The following NETO1 variants were observed in gnomAD, a reference collection of about 807,000 sequenced individuals.
NETO1 encodes the protein neuropilin and tolloid-like protein 1.
In NETO1, 26 loss-of-function variants were observed where a neutral mutation model predicts 61.3. The observed-to-expected ratio is 0.42, with a 90% CI of 0.31 to 0.59. NETO1 has a LOEUF of 0.59. NETO1 is among the 20% of genes least tolerant of loss of function. NETO1 has a pLI of 0.12. For synonymous variants in NETO1, 225 were observed against 225.8 expected (o/e 1.00, Z 0.03); for missense variants, 531 against 662.8 (o/e 0.80, Z 2.18).
intron 3 of NETO1, among the ~76,000 whole-genome samples, chr18:72,863,513 T>A (rs548115500): frequency 6.6e-6 from 1 of 152,352 alleles, no homozygotes; most frequent in African/African-American, 2.4e-5. Flanking sequence ...TAAAAGGAAT[T>A]TGCACTGCCA....
chr18:72,807,779 T>C (rs1291867707), intron 4 of NETO1, among the ~76,000 whole-genome samples: 2 of 151,554 alleles, frequency 1.3e-5, no homozygotes, highest in Non-Finnish European at 2.9e-5. Context: ...ATGCTGGAGT[T>C]TGCACATTTG....
rs113346613 is a variant in NETO1 at position 72,766,618 on chromosome 18, T to C, written c.869-10471A>G. Among the ~76,000 whole-genome samples the C allele has an allele frequency of 3.7e-3, 567 of 152,328 alleles. 12 individuals carry two copies. In the South Asian group the frequency reaches 0.068, roughly 18 times the overall value. The stretch of plus-strand genomic sequence containing the variant: ...CAGTATTATCAAGATGTACATATAT[T>C]AATCTGTTTTTATACAAGAAATTCT... On this transcript the variant is annotated intron_variant, in intron 7 of 10. Coordinates refer to ENST00000327305, the MANE Select transcript of NETO1 (RefSeq NM_138966.5).
intron 4 of NETO1, among the ~76,000 whole-genome samples, chr18:72,814,608 A>G (rs978880639): frequency 6.6e-6 from 1 of 152,142 alleles, no homozygotes; most frequent in African/African-American, 2.4e-5. Flanking sequence ...CAAATCTAAT[A>G]ATGTGTTGCT....
chr18:72,767,532 C>G (rs1196463486), intron 7 of NETO1, among the ~76,000 whole-genome samples: 1 of 152,116 alleles, frequency 6.6e-6, no homozygotes, highest in Non-Finnish European at 1.5e-5. Flanking sequence ...GGTCAAATTA[C>G]TTAAGAAAAT....
rs568409680 is a variant in NETO1, at chr18:72,847,400, C to T, written c.469+11426G>A. ...AGCAGAGCTGTGGAATGGTGGGAAG[C>T]GAGCCAGCTGAGCAAGTGAGAACAG... On this transcript the variant is annotated intron_variant, in intron 4 of 10. Coordinates refer to ENST00000327305, the MANE Select transcript of NETO1 (RefSeq NM_138966.5). Among the ~76,000 whole-genome samples, 20 of 152,008 alleles carry T rather than the reference C, an allele frequency of 1.3e-4. No homozygotes were observed. The South Asian group carries it at 3.7e-3, about 28-fold the overall frequency.
intron 8 of NETO1, among the ~76,000 whole-genome samples, chr18:72,751,549 G>C (rs1373439562): frequency 6.6e-6 from 1 of 152,182 alleles, no homozygotes; most frequent in Non-Finnish European, 1.5e-5. Flanking sequence ...CTGAGTGGCT[G>C]AGATGTCTGG....
intron 7 of NETO1, among the ~76,000 whole-genome samples, chr18:72,774,913 C>T (rs2071494762): frequency 1.3e-5 from 2 of 152,144 alleles, no homozygotes; most frequent in Admixed American, 1.3e-4. Flanking sequence ...ACCATCTAGT[C>T]AAGAAGAGAG....
intron 4 of NETO1, among the ~76,000 whole-genome samples, chr18:72,848,530 C>T (rs577039400): frequency 7.2e-5 from 11 of 152,204 alleles, no homozygotes; most frequent in Admixed American, 7.2e-4. Context: ...CAAACAATAA[C>T]ATCTATGGAT....
At chr18:72,742,648 T>A (rs2070361294), downstream of NETO1, 3 of 152,298 alleles carry the variant, frequency 2.0e-5, no homozygotes, top group Middle Eastern at 3.4e-3. Flanking sequence ...AACGTGGTTA[T>A]ATTACACATT....
At chr18:72,800,938 C>G (rs1450285934) in intron 4 of NETO1, among the ~76,000 whole-genome samples, 2 of 151,150 alleles carry the variant, frequency 1.3e-5, no homozygotes, top group African/African-American at 2.5e-5. Context: ...ATTAGACACT[C>G]TATTAGAGAG....
chr18:72,802,505 T>G (rs1449725487), intron 4 of NETO1, among the ~76,000 whole-genome samples: 1 of 152,260 alleles, frequency 6.6e-6, no homozygotes, highest in Non-Finnish European at 1.5e-5. Flanking sequence ...TTGGCTGGGC[T>G]TCCTTAGTTT....
chr18:72,820,869 G>C (rs1280792319), intron 4 of NETO1, among the ~76,000 whole-genome samples: 6 of 152,068 alleles, frequency 3.9e-5, no homozygotes, highest in Non-Finnish European at 8.8e-5. Flanking sequence ...TACACTTTTG[G>C]GCCTCCAGCT....
At chr18:72,754,236 AACTT>A (rs941593676) in intron 8 of NETO1, among the ~76,000 whole-genome samples, 2 of 152,100 alleles carry the variant, frequency 1.3e-5, no homozygotes, top group African/African-American at 4.8e-5. Context: ...AGAATATACT[AACTT>A]AAGGCAGAAG....
At chr18:72,835,089 G>A in intron 4 of NETO1, 1 of 1,117,420 alleles carries the variant, frequency 8.9e-7, no homozygotes, top group Non-Finnish European at 1.1e-6. Flanking sequence ...TGGGTTTCAA[G>A]GTAGGAGTTC....
chr18:72,781,205 A>T (rs556002386), intron 7 of NETO1, among the ~76,000 whole-genome samples: 1 of 152,298 alleles, frequency 6.6e-6, no homozygotes, highest in East Asian at 1.9e-4. Flanking sequence ...GGACTGTATC[A>T]TTTAATATAT....
intron 4 of NETO1, among the ~76,000 whole-genome samples, chr18:72,851,611 T>A (rs752641609): frequency 1.3e-5 from 2 of 152,082 alleles, no homozygotes; most frequent in Non-Finnish European, 2.9e-5. Context: ...TAGGCTCAGA[T>A]GGGTTGAGAA....
intron 6 of NETO1, among the ~76,000 whole-genome samples, chr18:72,789,520 C>T (rs974821401): frequency 1.3e-5 from 2 of 152,140 alleles, no homozygotes; most frequent in Non-Finnish European, 2.9e-5. Context: ...TAATCAATTA[C>T]AGTTACTACA....
chr18:72,800,107 C>A (rs1033726973), intron 4 of NETO1, among the ~76,000 whole-genome samples: 1 of 152,242 alleles, frequency 6.6e-6, no homozygotes, highest in Non-Finnish European at 1.5e-5. Context: ...GAGCACCCAT[C>A]TCAGCTTTCA....
At chr18:72,781,315 G>A (rs1367282324) in intron 7 of NETO1, among the ~76,000 whole-genome samples, 1 of 152,124 alleles carries the variant, frequency 6.6e-6, no homozygotes. Flanking sequence ...ATAGAACCCT[G>A]AAATTCCCTC....
Sources: allele counts gnomAD v4.1 joint callset (sites outside exome capture counted in the v4.1 genomes callset), GRCh38; gene constraint gnomAD v4.1.1; transcripts MANE v1.5; gene names NCBI Gene and HGNC (gene_info 2026-07-23, HGNC 2026-07-21).